The following MCM5 variants were observed in gnomAD, a reference collection of about 807,000 sequenced individuals.
MCM5 encodes DNA replication licensing factor MCM5.
MCM5 carries 46 observed loss-of-function variants against 79.9 expected under a neutral mutation model. The ratio of observed to expected loss-of-function variants is 0.58; its 90% CI spans 0.45 to 0.74. MCM5 has a LOEUF of 0.74. Ranked by LOEUF, MCM5 falls within the 30% of genes least tolerant of loss-of-function variation. The pLI, the probability that MCM5 is intolerant of heterozygous loss-of-function variation, is 0.00. For missense variants in MCM5, 883 were observed against 1,017.0 expected, an observed-to-expected ratio of 0.87 and a Z score of 1.79; for synonymous variants, 404 against 390.5, an observed-to-expected ratio of 1.03 and a Z score of -0.41.
rs1018392426 is a variant in MCM5, at chr22:35,400,423, C to T, written c.-8-8C>T. The T allele has an allele frequency of 3.1e-6, 5 of 1,613,884 alleles. No homozygotes were observed. In the African/African-American group the frequency reaches 5.3e-5, roughly 17 times the overall value. ...CCAGCCTGTTCTGGCCGTTTGTTCC[C>T]ACCCCAGGCGCAGTCATGTCGGGAT... On this transcript the variant is annotated splice_polypyrimidine_tract_variant and splice_region_variant and intron_variant, in intron 1 of 16. Transcript: ENST00000216122.
chr22:35,421,961 C>T (rs1422198556), intron 15 of MCM5: 3 of 255,490 alleles, frequency 1.2e-5, no homozygotes, highest in African/African-American at 2.2e-5. Context: ...CCAGCGTTTT[C>T]CACACCATAA....
At chr22:35,402,614 C>T (rs1040760147) in intron 2 of MCM5, among the ~76,000 whole-genome samples, 2 of 151,486 alleles carry the variant, frequency 1.3e-5, no homozygotes, top group Non-Finnish European at 2.9e-5. Flanking sequence ...AGTGCCCTGG[C>T]GAGATCTCTG....
chr22:35,438,524 CATCT>C, the MCM5 span, among the ~76,000 whole-genome samples: 1 of 144,162 alleles, frequency 6.9e-6, no homozygotes, highest in African/African-American at 2.6e-5. Flanking sequence ...TGCATCCATC[CATCT>C]ACATATTCAT....
chr22:35,454,661 C>G, the MCM5 span, among the ~76,000 whole-genome samples: 1 of 152,220 alleles, frequency 6.6e-6, no homozygotes, highest in African/African-American at 2.4e-5. Flanking sequence ...CTTGACCTCT[C>G]TGAGCCTCTG....
At chr22:35,445,918 T>C in the MCM5 span, among the ~76,000 whole-genome samples, 131 of 152,348 alleles carry the variant, frequency 8.6e-4, no homozygotes, top group Non-Finnish European at 1.6e-3. Flanking sequence ...ACCTCCCAGA[T>C]GGTACTTCTC....
chr22:35,415,703 T>G, intron 9 of MCM5, 126 bp from the exon 10 acceptor site: 1 of 1,089,192 alleles, frequency 9.2e-7, no homozygotes, highest in Non-Finnish European at 1.3e-6. Flanking sequence ...TGAGTCCTAT[T>G]CTGTACCCTG....
chr22:35,404,151 C>T (rs370942060), intron 4 of MCM5, among the ~76,000 whole-genome samples: 20 of 151,372 alleles, frequency 1.3e-4, no homozygotes, highest in Admixed American at 1.1e-3. Context: ...CACTTTATCC[C>T]GAAAAAAAAA....
chr22:35,436,461 T>G, the MCM5 span, among the ~76,000 whole-genome samples: 4 of 152,240 alleles, frequency 2.6e-5, no homozygotes. Flanking sequence ...AAGGCTTTAT[T>G]GAAAGCTGGG....
intron 10 of MCM5, 21 bp downstream of exon 10, chr22:35,415,993 A>G (rs946886657): frequency 6.2e-7 from 1 of 1,603,410 alleles, no homozygotes; most frequent in Non-Finnish European, 8.5e-7. Context: ...TGAGGTGGGT[A>G]GTAGCCAAAA....
chr22:35,426,500 C>T (rs1443241258), downstream of MCM5, among the ~76,000 whole-genome samples: 1 of 152,162 alleles, frequency 6.6e-6, no homozygotes, highest in East Asian at 1.9e-4. Flanking sequence ...TGACCTGGCT[C>T]CCTTAGGCTT....
intron 4 of MCM5, among the ~76,000 whole-genome samples, chr22:35,406,018 A>C (rs1224209106): frequency 2.0e-5 from 3 of 151,950 alleles, no homozygotes; most frequent in Non-Finnish European, 4.4e-5. Context: ...CTCAAAAAAA[A>C]AAAAAGAAAA....
intron 8 of MCM5, among the ~76,000 whole-genome samples, chr22:35,413,423 C>T (rs1163640374): frequency 1.3e-5 from 2 of 152,122 alleles, no homozygotes. Flanking sequence ...AGCTGTTGTG[C>T]CCATTTTATA....
chr22:35,417,730 C>T lies in MCM5; in HGVS notation c.1591-14C>T, dbSNP rs1433245852. ...CGGCCTGTGGGATGACCCATTATCC[C>T]CTCTGCTCTCCAGATGCTGGCCAAG... On this transcript the variant is annotated splice_polypyrimidine_tract_variant and intron_variant, in intron 12 of 16. Transcript: ENST00000216122. 1.9e-6 allele frequency: 3 copies of T among 1,591,806 alleles called. No individual in the cohort carries two copies. The highest frequency in any genetic ancestry group is 2.6e-6 in the Non-Finnish European group (3 of 1,159,756).
At position 35,424,274 on chromosome 22, in the gene MCM5, A is replaced by C; in HGVS notation, c.*19A>C. ...CAAGTGAGTCGCGCCGCCTCACTGG[A>C]CTCATGGACTCGCCCACGCCTCGCC... On this transcript the variant is annotated 3_prime_UTR_variant, in exon 17 of 17. Coordinates refer to ENST00000216122, the MANE Select transcript of MCM5 (RefSeq NM_006739.4). The C allele has an allele frequency of 6.6e-7, 1 of 1,510,474 alleles. No individual in the cohort carries two copies. Among genetic ancestry groups the C allele is most frequent in the Non-Finnish European group, 9.0e-7 (1 of 1,117,224 alleles). 93.6% of individuals were successfully genotyped at this position (1,510,474 alleles called of 1,614,324 possible).
chr22:35,441,427 C>G, the MCM5 span, among the ~76,000 whole-genome samples: 1 of 152,198 alleles, frequency 6.6e-6, no homozygotes, highest in Non-Finnish European at 1.5e-5. Flanking sequence ...TCTGGGTGCC[C>G]CCCCACCACC....
In MCM5 at chr22:35,402,010, G is replaced by A. The variant is rs551875336; in HGVS notation, c.168-1197G>A. 2.6e-5 allele frequency among the ~76,000 whole-genome samples: 4 copies of A among 152,316 alleles called. No individual in the cohort carries two copies. In the South Asian group the frequency reaches 8.3e-4, roughly 32 times the overall value. ...ACTGGCTCCTGGACATAAGGGAGAC[G>A]GGGCTCAGGCCTGTGATACTGCGAG... On this transcript the variant is annotated intron_variant, in intron 2 of 16. Coordinates refer to ENST00000216122, the MANE Select transcript of MCM5 (RefSeq NM_006739.4).
rs1408118208 is a variant in MCM5 at position 35,403,551 on chromosome 22, G to A, written c.423+9G>A. On this transcript the variant is annotated intron_variant, in intron 4 of 16. Coordinates refer to ENST00000216122, the MANE Select transcript of MCM5 (RefSeq NM_006739.4). ...GCATTCGTAGCCTGAAGGTGGGTCGGAGGGCAGTGGCTGCTGCATGGTGCA... is the reference window on the plus strand; with the variant it reads ...GCATTCGTAGCCTGAAGGTGGGTCGAAGGGCAGTGGCTGCTGCATGGTGCA... The A allele has an allele frequency of 2.5e-6, 4 of 1,611,654 alleles. No homozygotes were observed. Among genetic ancestry groups the A allele is most frequent in the Non-Finnish European group, 3.4e-6 (4 of 1,180,014 alleles).
At position 35,416,619 on chromosome 22, in the gene MCM5, G is replaced by A. The variant is rs555440384; in HGVS notation, c.1414-19G>A. 22 of 1,600,420 alleles carry A rather than the reference G, an allele frequency of 1.4e-5. No homozygotes were observed. The highest frequency in any genetic ancestry group is 9.9e-5 in the South Asian group (9 of 90,736). On this transcript the variant is annotated intron_variant, in intron 11 of 16. Transcript: ENST00000216122. ...TCTTTGCCATCTCCTCCCCCTTTTC[G>A]TCGTCTGTCGCCTGTTAGGCTGGGA...
At position 35,408,556 on chromosome 22, in the gene MCM5, T is replaced by C; in HGVS notation, c.745T>C (p.Cys249Arg). The change falls in exon 6 of 17, where the codon TGC becomes CGC. Residue 249 changes from cysteine to arginine, a missense_variant. Cys to Arg is a radical substitution (Grantham distance 180). Transcript: ENST00000216122. ...GEMPRHMQLY[C>R]DRYLCDKVVP... ...GATGCCCAGACACATGCAGCTCTAC[T>C]GCGACAGGTGAGGCAGACGGGCTGG... 1.2e-6 allele frequency: 2 copies of C among 1,607,376 alleles called. No individual in the cohort carries two copies. Among genetic ancestry groups the C allele is most frequent in the Non-Finnish European group, 1.7e-6 (2 of 1,174,384 alleles).
Sources: gnomAD v4.1 joint callset for allele counts (sites outside exome capture counted in the v4.1 genomes callset) on GRCh38, gnomAD v4.1.1 for gene constraint, MANE v1.5 for transcripts, NCBI Gene and HGNC (gene_info 2026-07-23, HGNC 2026-07-21) for gene names.